Variants in MARCHF3 observed in about 807,000 individuals in gnomAD.
The protein encoded by MARCHF3 is E3 ubiquitin-protein ligase MARCHF3.
A neutral mutation model predicts 24.2 loss-of-function variants in MARCHF3; 13 were observed. The observed-to-expected ratio is 0.54, with a 90% CI of 0.35 to 0.85. The LOEUF (loss-of-function observed/expected upper bound fraction) is 0.85. Among genes scored for constraint, MARCHF3 ranks in the 40% least tolerant of loss-of-function variants. The pLI, the probability that MARCHF3 is intolerant of heterozygous loss-of-function variation, is 0.01. For synonymous variants in MARCHF3, 144 were observed against 137.3 expected (o/e 1.05, Z -0.34); for missense variants, 276 against 325.0 (o/e 0.85, Z 1.16).
chr5:126,937,136 A>G (rs1003000104), intron 1 of MARCHF3, among the ~76,000 whole-genome samples: 3 of 152,240 alleles, frequency 2.0e-5, no homozygotes, highest in African/African-American at 7.2e-5. Flanking sequence ...GTCCCCAGCT[A>G]CAGAGCACTG....
chr5:126,914,802 A>ACACACACACACACC, intron 3 of MARCHF3, 128 bp downstream of exon 3: 1 of 799,036 alleles, frequency 1.3e-6, no homozygotes, highest in African/African-American at 1.7e-5. Context: ...ACACACACAC[A>ACACACACACACACC]CACACACACA....
chr5:126,912,408 T>A (rs1229724914), intron 3 of MARCHF3, among the ~76,000 whole-genome samples: 1 of 152,234 alleles, frequency 6.6e-6, no homozygotes, highest in Non-Finnish European at 1.5e-5. Context: ...AGAGCTGTTA[T>A]TGTCACATCG....
chr5:126,888,684 A>C (rs935627957), intron 3 of MARCHF3, among the ~76,000 whole-genome samples: 1 of 152,232 alleles, frequency 6.6e-6, no homozygotes, highest in African/African-American at 2.4e-5. Flanking sequence ...GCAAGGAAAC[A>C]GAAGTTTTTA....
At chr5:126,893,619 C>G (rs866832344) in intron 3 of MARCHF3, among the ~76,000 whole-genome samples, 27 of 150,292 alleles carry the variant, frequency 1.8e-4, no homozygotes, top group Admixed American at 1.2e-3. Context: ...ATTCTTAACC[C>G]TGAGTTCTAG....
chr5:126,931,016 G>A (rs1299904291), intron 1 of MARCHF3, among the ~76,000 whole-genome samples: 1 of 152,224 alleles, frequency 6.6e-6, no homozygotes, highest in Admixed American at 6.5e-5. Context: ...TTGGGAAATC[G>A]AGATGCTCAT....
intron 1 of MARCHF3, among the ~76,000 whole-genome samples, chr5:126,929,998 T>G (rs1749429887): frequency 6.6e-6 from 1 of 152,218 alleles, no homozygotes; most frequent in African/African-American, 2.4e-5. Flanking sequence ...ATTAAAGCTC[T>G]TTCCTTTATA....
intron 4 of MARCHF3, among the ~76,000 whole-genome samples, chr5:126,875,766 G>A (rs1753128175): frequency 6.6e-6 from 1 of 152,196 alleles, no homozygotes; most frequent in Non-Finnish European, 1.5e-5. Flanking sequence ...CAGGGAAGCC[G>A]CAGGAAGGAG....
At chr5:127,005,220 T>C (rs1384081355) in intron 1 of MARCHF3, among the ~76,000 whole-genome samples, 1 of 142,454 alleles carries the variant, frequency 7.0e-6, no homozygotes, top group Non-Finnish European at 1.5e-5. Flanking sequence ...CACTGCAACC[T>C]CCATCACCCG....
Position 126,965,349 on chromosome 5 carries a change from T to C in MARCHF3, c.-56-47122A>G, listed in dbSNP as rs961174999. ...TAGAGCTCTTCATCACTGAACTGTA[T>C]TGTTCCTCTTTCATGAACGGTGGCA... is the stretch of plus-strand genomic sequence containing the variant. On this transcript the variant is annotated intron_variant, in intron 1 of 4. Transcript: ENST00000308660. Among the ~76,000 whole-genome samples the C allele has an allele frequency of 3.3e-5, 5 of 152,222 alleles. No individual in the cohort carries two copies. In the East Asian group the frequency reaches 5.8e-4, roughly 18 times the overall value.
At chr5:126,900,195 G>T (rs1395397108) in intron 3 of MARCHF3, among the ~76,000 whole-genome samples, 1 of 151,932 alleles carries the variant, frequency 6.6e-6, no homozygotes, top group East Asian at 1.9e-4. Flanking sequence ...AGGCTTATCG[G>T]CAAAGAAACC....
chr5:126,903,497 T>G (rs1290606834), intron 3 of MARCHF3, among the ~76,000 whole-genome samples: 4 of 152,060 alleles, frequency 2.6e-5, no homozygotes, highest in African/African-American at 9.7e-5. Flanking sequence ...TCTTCTTGAA[T>G]CACTTTATAT....
At chr5:126,969,620 A>G (rs1484729458) in intron 1 of MARCHF3, among the ~76,000 whole-genome samples, 2 of 152,218 alleles carry the variant, frequency 1.3e-5, no homozygotes, top group African/African-American at 2.4e-5. Flanking sequence ...GGATGGCTGC[A>G]CTTCTTTCAT....
At chr5:126,931,343 G>A (rs192615653) in intron 1 of MARCHF3, among the ~76,000 whole-genome samples, 6 of 152,240 alleles carry the variant, frequency 3.9e-5, no homozygotes, top group Non-Finnish European at 7.4e-5. Flanking sequence ...GGACTTTCAC[G>A]CATTTTGAAA....
chr5:126,951,785 T>G (rs1750244669), intron 1 of MARCHF3, among the ~76,000 whole-genome samples: 1 of 152,188 alleles, frequency 6.6e-6, no homozygotes, highest in Admixed American at 6.5e-5. Context: ...GGCACTGACC[T>G]TTAATGTTTC....
rs200104551 is a variant in MARCHF3 at position 126,878,252 on chromosome 5, C to T, written c.536G>A (p.Arg179Gln). 111 of 1,614,230 alleles carry T rather than the reference C, an allele frequency of 6.9e-5. No homozygotes were observed. Among genetic ancestry groups the T allele is most frequent in the Non-Finnish European group, 8.6e-5 (102 of 1,180,034 alleles). ...TGCAATCAGTCCGACGGCTTCCAGC[C>T]GACTACTAAAGTGCAGGTGGTCCAC... ...GAVDHLHFSS[R>Q]LEAVGLIALT... The change falls in exon 4 of 5, where the codon CGG becomes CAG. Residue 179 changes from arginine to glutamine, a missense_variant. Transcript: ENST00000308660.
chr5:126,930,428 C>T (rs770907862), intron 1 of MARCHF3, among the ~76,000 whole-genome samples: 1 of 152,370 alleles, frequency 6.6e-6, no homozygotes, highest in East Asian at 1.9e-4. Context: ...CTTGCCCCTG[C>T]AGACCTCCAC....
Position 126,869,562 on chromosome 5 carries a change from T to C in MARCHF3, c.*1071A>G, listed in dbSNP as rs949115983. 1.5e-5 allele frequency: 2 copies of C among 136,904 alleles called. No individual in the cohort carries two copies. The highest frequency in any genetic ancestry group is 4.4e-4 in the East Asian group (2 of 4,506). The allele number at this position is 136,904 out of a possible 1,614,324, so 8.5% of individuals were successfully genotyped here. A position where few individuals can be genotyped will look rare whatever the true frequency, so the allele number is the denominator to read the frequency against. On this transcript the variant is annotated 3_prime_UTR_variant, in exon 5 of 5. Coordinates refer to ENST00000308660, the MANE Select transcript of MARCHF3 (RefSeq NM_178450.5). ...TCAGACAAAGGGGTCTTAGAATAAG[T>C]GCAGGGCTGCTAGGACAGGCTTTTT...
At chr5:126,998,062 C>A (rs1752004416) in intron 1 of MARCHF3, among the ~76,000 whole-genome samples, 1 of 152,194 alleles carries the variant, frequency 6.6e-6, no homozygotes, top group African/African-American at 2.4e-5. Context: ...TGGCTGGAAT[C>A]ATAAAACAAT....
intron 3 of MARCHF3, among the ~76,000 whole-genome samples, chr5:126,901,612 C>A (rs1053326559): frequency 1.3e-5 from 2 of 152,076 alleles, no homozygotes; most frequent in African/African-American, 2.4e-5. Flanking sequence ...ACTATGTATT[C>A]TTTCTTTGGA....
Sources: gnomAD v4.1 joint callset for allele counts (sites outside exome capture counted in the v4.1 genomes callset) on GRCh38, gnomAD v4.1.1 for gene constraint, MANE v1.5 for transcripts, NCBI Gene and HGNC (gene_info 2026-07-23, HGNC 2026-07-21) for gene names.